Variants in RAB27B observed in about 807,000 individuals in gnomAD.
RAB27B encodes the protein RAB27B, member RAS oncogene family.
Under a neutral mutation model 24.6 loss-of-function variants are expected in RAB27B, and 15 were observed. That is an observed-to-expected ratio of 0.61 (90% confidence interval 0.41 to 0.94). The LOEUF (loss-of-function observed/expected upper bound fraction) is 0.94, where lower values mean the gene tolerates loss of function less well. RAB27B is among the 40% of genes least tolerant of loss of function. RAB27B has a pLI of 0.00. For synonymous variants in RAB27B, 105 were observed against 92.5 expected, an observed-to-expected ratio of 1.14 and a Z score of -0.78; for missense variants, 261 against 266.8, an observed-to-expected ratio of 0.98 and a Z score of 0.15.
At chr18:54,802,360 T>C (rs944010218) in intron 2 of RAB27B, among the ~76,000 whole-genome samples, 2 of 151,520 alleles carry the variant, frequency 1.3e-5, no homozygotes, top group Non-Finnish European at 3.0e-5. Context: ...ACTGTTGCCA[T>C]AGCTTTTCCA....
At chr18:54,889,084 T>G (rs1913259837) in intron 5 of RAB27B, 140 bp from the exon 6 acceptor site, 1 of 793,612 alleles carries the variant, frequency 1.3e-6, no homozygotes, top group African/African-American at 1.8e-5. Context: ...CAAGGATGCT[T>G]TCCAACTTAG....
chr18:54,732,760 T>C (rs1360103624), intron 2 of RAB27B, among the ~76,000 whole-genome samples: 4 of 152,054 alleles, frequency 2.6e-5, no homozygotes, highest in African/African-American at 9.7e-5. Flanking sequence ...AAATAAAAGG[T>C]ATTGAGGTTT....
intron 2 of RAB27B, among the ~76,000 whole-genome samples, chr18:54,810,710 A>C (rs1568075376): frequency 6.6e-6 from 1 of 151,926 alleles, no homozygotes; most frequent in South Asian, 2.1e-4. Flanking sequence ...GGCACCTGTA[A>C]TCTCAGCTGC....
At chr18:54,874,757 A>G (rs4801106) in intron 1 of RAB27B, among the ~76,000 whole-genome samples, 137,419 of 152,164 alleles carry the variant, frequency 0.9, 63,704 homozygotes, top group East Asian at 1. Context: ...CTAATATCGT[A>G]TAATAAATTT....
At chr18:54,879,666 T>C (rs1038458209) in intron 3 of RAB27B, 19 of 486,398 alleles carry the variant, frequency 3.9e-5, no homozygotes, top group Non-Finnish European at 6.6e-5. Context: ...AAATCAGACT[T>C]TCAAAAATCT....
intron 2 of RAB27B, among the ~76,000 whole-genome samples, chr18:54,760,668 C>A (rs73959295): frequency 0.053 from 7,986 of 151,990 alleles, 264 homozygotes; most frequent in Admixed American, 0.083. Context: ...ATTGATGCTA[C>A]AGGGTAACGT....
At chr18:54,886,994 C>A (rs1444601498) in intron 4 of RAB27B, among the ~76,000 whole-genome samples, 1 of 134,394 alleles carries the variant, frequency 7.4e-6, no homozygotes, top group African/African-American at 2.8e-5. Flanking sequence ...CCCTGCCCTG[C>A]CCTCCCCTCG....
chr18:54,804,177 G>A (rs1466276348), intron 2 of RAB27B, among the ~76,000 whole-genome samples: 1 of 152,134 alleles, frequency 6.6e-6, no homozygotes, highest in Non-Finnish European at 1.5e-5. Flanking sequence ...TTGACTTCTA[G>A]GAAAGAGCAG....
chr18:54,808,733 C>G (rs892281131), intron 2 of RAB27B, among the ~76,000 whole-genome samples: 5 of 152,150 alleles, frequency 3.3e-5, no homozygotes, highest in African/African-American at 1.2e-4. Context: ...TACACACATG[C>G]CTTACAGACT....
intron 2 of RAB27B, among the ~76,000 whole-genome samples, chr18:54,791,586 G>C (rs1909247443): frequency 1.3e-5 from 2 of 152,134 alleles, no homozygotes; most frequent in Admixed American, 1.3e-4. Context: ...GTAGAGGAGG[G>C]CGTGGTCCCT....
In RAB27B at chr18:54,758,635, TA is replaced by T. The variant is rs58044123; in HGVS notation, c.-20+40509del. 8.9e-3 allele frequency among the ~76,000 whole-genome samples: 1,261 copies of T among 141,658 alleles called. 19 individuals carry two copies. The highest frequency in any genetic ancestry group is 0.031 in the South Asian group (136 of 4,438). 92.9% of individuals were successfully genotyped at this position (141,658 alleles called of 152,430 possible). A position where few individuals can be genotyped will look rare whatever the true frequency, so the allele number is the denominator to read the frequency against. The stretch of plus-strand genomic sequence containing the variant: ...CAGCTTGCAAGCGACCAAAAACAAT[TA>T]AAAAAAAAAAAAAAGGAACAACGAC... On this transcript the variant is annotated intron_variant, in intron 2 of 4. Coordinates refer to the RAB27B transcript ENST00000586570.
chr18:54,893,861 A>G lies in RAB27B; in HGVS notation c.*4448A>G, dbSNP rs1472984950. ...AGAACCTGGAGAAGGTCATACTTCA[A>G]AGGTCGATTTTGAGTCCGAATAAAG... On this transcript the variant is annotated 3_prime_UTR_variant, in exon 6 of 6. Coordinates refer to ENST00000262094, the MANE Select transcript of RAB27B (RefSeq NM_004163.4). The G allele has an allele frequency of 6.6e-6, 1 of 151,968 alleles. No individual in the cohort carries two copies. The highest frequency in any genetic ancestry group is 2.4e-5 in the African/African-American group (1 of 41,430). The allele number at this position is 151,968 out of a possible 1,614,324, so 9.4% of individuals were successfully genotyped here.
chr18:54,844,224 G>A (rs1911228766), intron 1 of RAB27B, among the ~76,000 whole-genome samples: 1 of 152,080 alleles, frequency 6.6e-6, no homozygotes. Flanking sequence ...AAATTTCTAA[G>A]GAGGTCTGTG....
chr18:54,803,299 T>A (rs1337873710), intron 2 of RAB27B, among the ~76,000 whole-genome samples: 1 of 152,136 alleles, frequency 6.6e-6, no homozygotes, highest in Non-Finnish European at 1.5e-5. Context: ...TAGCAAGCTA[T>A]GTGATGTTCA....
intron 2 of RAB27B, among the ~76,000 whole-genome samples, chr18:54,754,096 A>G (rs975797968): frequency 6.6e-6 from 1 of 152,146 alleles, no homozygotes; most frequent in Admixed American, 6.5e-5. Context: ...TCTCATCTTG[A>G]ATTGTAATCT....
At chr18:54,801,859 T>C (rs1010382141) in intron 2 of RAB27B, among the ~76,000 whole-genome samples, 1 of 152,200 alleles carries the variant, frequency 6.6e-6, no homozygotes, top group African/African-American at 2.4e-5. Flanking sequence ...TGGAGGTCAC[T>C]TTTTGCTATC....
At chr18:54,865,890 G>A (rs889711214) in intron 1 of RAB27B, among the ~76,000 whole-genome samples, 1 of 152,234 alleles carries the variant, frequency 6.6e-6, no homozygotes, top group Admixed American at 6.5e-5. Flanking sequence ...GTAATTATAT[G>A]GCTGTCTTTC....
intron 2 of RAB27B, among the ~76,000 whole-genome samples, chr18:54,744,346 A>C (rs1341669310): frequency 6.6e-6 from 1 of 152,176 alleles, no homozygotes; most frequent in Non-Finnish European, 1.5e-5. Context: ...TTTTCCTTTA[A>C]GATTTGGGCT....
chr18:54,824,823 C>A (rs913028140), upstream of RAB27B, among the ~76,000 whole-genome samples: 1 of 151,644 alleles, frequency 6.6e-6, no homozygotes, highest in Admixed American at 6.6e-5. Context: ...ATTTTCTTTC[C>A]ATTTTTTTTT....
Sources: allele counts gnomAD v4.1 joint callset (sites outside exome capture counted in the v4.1 genomes callset), GRCh38; gene constraint gnomAD v4.1.1; transcripts MANE v1.5; gene names NCBI Gene and HGNC (gene_info 2026-07-23, HGNC 2026-07-21).